The following KANSL1 variants were observed in gnomAD, a reference collection of about 807,000 sequenced individuals.
The protein encoded by KANSL1 is KAT8 regulatory NSL complex subunit 1.
KANSL1 carries 22 observed loss-of-function variants against 103.6 expected under a neutral mutation model. The observed-to-expected ratio is 0.21, with a 90% CI of 0.15 to 0.30. KANSL1 has a LOEUF of 0.30. Among genes scored for constraint, KANSL1 ranks in the 10% least tolerant of loss-of-function variants. The pLI is 1.00. For missense variants in KANSL1, 1,337 were observed against 1,399.8 expected (o/e 0.96, Z 0.72); for synonymous variants, 600 against 527.6 (o/e 1.14, Z -1.88).
chr17:46,158,386 G>A (rs1411582453), intron 2 of KANSL1, among the ~76,000 whole-genome samples: 7 of 148,368 alleles, frequency 4.7e-5, no homozygotes, highest in Admixed American at 2.0e-4. Flanking sequence ...TTTTGAGACA[G>A]TCTCGCTCAG....
rs551923672 is a variant in KANSL1 at position 46,066,712 on chromosome 17, T to A, written c.1673A>T (p.Asp558Val). The A allele has an allele frequency of 7.9e-5, 127 of 1,614,026 alleles. 1 individual carries two copies. The South Asian group carries it at 1.2e-3, about 16-fold the overall frequency. ...ATCAGAGCTGTCACCTGGAATGTGG[T>A]CTGCCAAGACAGGCTGAAGACTATA... Reference protein sequence around the residue: ...VINTLQPVLADHIPGDSSDAE... With the variant: ...VINTLQPVLAVHIPGDSSDAE... The change falls in exon 6 of 15, where the codon GAC becomes GTC. Residue 558 changes from aspartate to valine, a missense_variant. By Grantham distance (152) the Asp-to-Val change is radical. This residue lies in a region of KANSL1 where 780 missense variants were observed against 923.4 expected (regional missense o/e 0.84). Coordinates refer to ENST00000432791, the MANE Select transcript of KANSL1 (RefSeq NM_015443.4).
intron 3 of KANSL1, among the ~76,000 whole-genome samples, chr17:46,091,194 G>C (rs966316434): frequency 2.0e-5 from 3 of 152,136 alleles, no homozygotes; most frequent in Non-Finnish European, 4.4e-5. Context: ...TTGTGTCTTA[G>C]TTTTTAGCAA....
chr17:46,180,149 T>G (rs917007628), intron 1 of KANSL1, among the ~76,000 whole-genome samples: 3 of 152,140 alleles, frequency 2.0e-5, no homozygotes, highest in African/African-American at 7.2e-5. Context: ...GGAAAGGCAG[T>G]TTGAAGCCAG....
At chr17:46,103,231 C>A (rs2042395296) in intron 2 of KANSL1, among the ~76,000 whole-genome samples, 1 of 152,144 alleles carries the variant, frequency 6.6e-6, no homozygotes, top group Admixed American at 6.5e-5. Flanking sequence ...TATCTCAGAC[C>A]CTGTTTGAAT....
chr17:46,158,363 CTTTTT>C (rs67455357), intron 2 of KANSL1, among the ~76,000 whole-genome samples: 1 of 138,674 alleles, frequency 7.2e-6, no homozygotes, highest in Admixed American at 7.2e-5. Flanking sequence ...CCATTAGAGA[CTTTTT>C]TTTTTTTTTT....
In KANSL1 at chr17:46,032,135, G is replaced by A. The variant is rs1037585739; in HGVS notation, c.3002C>T (p.Pro1001Leu). The change falls in exon 14 of 15, where the codon CCC becomes CTC. Residue 1001 changes from proline (P) to leucine (L), a missense_variant. Physicochemically the swap from Pro to Leu is moderately conservative, Grantham distance 98. Transcript: ENST00000432791. ...SPISPELHSA[P>L]LTPVARDTPR... Reference sequence around the variant, plus strand: ...AGTGTCCCGAGCCACAGGGGTGAGGGGTGCTGAGTGCAGTTCCGGGCTAAT... The same window carrying A: ...AGTGTCCCGAGCCACAGGGGTGAGGAGTGCTGAGTGCAGTTCCGGGCTAAT... The A allele has an allele frequency of 3.7e-6, 6 of 1,613,972 alleles. No homozygotes were observed. In the Admixed American group the frequency reaches 1.0e-4, roughly 27 times the overall value.
intron 2 of KANSL1, among the ~76,000 whole-genome samples, chr17:46,136,043 A>G (rs1321424833): frequency 6.6e-6 from 1 of 152,120 alleles, no homozygotes; most frequent in Non-Finnish European, 1.5e-5. Context: ...ACACTAGTTT[A>G]AAAAAATCAT....
At chr17:46,061,009 T>C (rs2078139876) in intron 6 of KANSL1, among the ~76,000 whole-genome samples, 1 of 147,272 alleles carries the variant, frequency 6.8e-6, no homozygotes, top group African/African-American at 2.4e-5. Flanking sequence ...TTTTAAAAAA[T>C]TGAAAGAAAT....
chr17:46,213,436 G>A (rs2148032640), intron 1 of KANSL1, among the ~76,000 whole-genome samples: 1 of 151,438 alleles, frequency 6.6e-6, no homozygotes, highest in East Asian at 2.0e-4. Context: ...GAGTAGCTGG[G>A]ACTACAGGCA....
chr17:46,066,691 G>C lies in KANSL1; in HGVS notation c.1694C>G (p.Ser565Cys), dbSNP rs146310615. 1.1e-5 allele frequency: 17 copies of C among 1,614,010 alleles called. No individual in the cohort carries two copies. Among genetic ancestry groups the C allele is most frequent in the Non-Finnish European group, 1.4e-5 (17 of 1,180,024 alleles). ...CTTATGTAATTGTTCCTCAGCATCA[G>C]AGCTGTCACCTGGAATGTGGTCTGC... is the stretch of plus-strand genomic sequence containing the variant. Reference protein sequence around the residue: ...VLADHIPGDSSDAEEQLHKKQ... With the variant: ...VLADHIPGDSCDAEEQLHKKQ... Residue 565 changes from serine to cysteine, a missense_variant, in exon 6 of 15, where the codon TCT becomes TGT. Ser to Cys is a moderately radical substitution (Grantham distance 112). Transcript: ENST00000432791.
intron 7 of KANSL1, chr17:46,044,669 C>T (rs1391691093): frequency 6.6e-6 from 1 of 152,216 alleles, no homozygotes; most frequent in African/African-American, 2.4e-5. Flanking sequence ...TGCTGGAATA[C>T]TAACAGGTTA....
intron 2 of KANSL1, among the ~76,000 whole-genome samples, chr17:46,101,866 A>G (rs553500422): frequency 6.6e-6 from 1 of 152,322 alleles, no homozygotes; most frequent in East Asian, 1.9e-4. Context: ...ATAAGATTAA[A>G]GAAAAACCTC....
At chr17:46,103,660 T>G (rs964273577) in intron 2 of KANSL1, among the ~76,000 whole-genome samples, 2 of 152,226 alleles carry the variant, frequency 1.3e-5, no homozygotes, top group African/African-American at 4.8e-5. Context: ...ATCTGTCCTT[T>G]AGAATTTCCT....
chr17:46,109,174 C>T (rs2042696749), intron 2 of KANSL1, among the ~76,000 whole-genome samples: 1 of 152,136 alleles, frequency 6.6e-6, no homozygotes, highest in South Asian at 2.1e-4. Flanking sequence ...TCTCAAACTC[C>T]TAGGCTCAGG....
intron 2 of KANSL1, among the ~76,000 whole-genome samples, chr17:46,139,949 A>C (rs1415151204): frequency 6.6e-6 from 1 of 152,218 alleles, no homozygotes; most frequent in Non-Finnish European, 1.5e-5. Flanking sequence ...AATTCAAGTA[A>C]ATTAGCATAA....
upstream of KANSL1, chr17:46,224,838 C>A (rs2048635401): frequency 6.6e-6 from 1 of 151,432 alleles, no homozygotes; most frequent in African/African-American, 2.4e-5. Flanking sequence ...CCTCCTTCTG[C>A]CCCATTCCCA....
At chr17:46,210,541 C>T (rs895836192) in intron 1 of KANSL1, among the ~76,000 whole-genome samples, 1 of 144,252 alleles carries the variant, frequency 6.9e-6, no homozygotes. Context: ...TTACTGTAGA[C>T]TGGACATAAC....
chr17:46,165,031 T>C lies in KANSL1; in HGVS notation c.1289+5824A>G, dbSNP rs1391828920. Among the ~76,000 whole-genome samples the C allele has an allele frequency of 2.6e-5, 4 of 152,236 alleles. No individual in the cohort carries two copies. The East Asian group carries it at 7.7e-4, about 29-fold the overall frequency. ...CTGAGGCAGGAAGATCACTTGAACC[T>C]GGGAAGCAGAGACTGCAATGAGCTG... On this transcript the variant is annotated intron_variant, in intron 2 of 14. Transcript: ENST00000432791.
intron 1 of KANSL1, among the ~76,000 whole-genome samples, chr17:46,189,515 C>T (rs1365153922): frequency 6.6e-6 from 1 of 152,216 alleles, no homozygotes; most frequent in Non-Finnish European, 1.5e-5. Context: ...ACGCATTACT[C>T]TTTAAACATG....
Sources: gnomAD v4.1 joint callset for allele counts (sites outside exome capture counted in the v4.1 genomes callset) on GRCh38, gnomAD v4.1.1 for gene constraint, gnomAD v4.1.1 regional missense constraint, MANE v1.5 for transcripts, NCBI Gene and HGNC (gene_info 2026-07-23, HGNC 2026-07-21) for gene names.